Variants in CMC2 observed in about 807,000 individuals in gnomAD.
CMC2 encodes the protein C-X9-C motif containing 2, also known as COX assembly mitochondrial protein 2 homolog.
A neutral mutation model predicts 7.5 loss-of-function variants in CMC2; 5 were observed. The ratio of observed to expected loss-of-function variants is 0.66; its 90% CI spans 0.35 to 1.40. The LOEUF is 1.40. Ranked by LOEUF, CMC2 falls within the 40% of genes most tolerant of loss-of-function variation. The probability of loss-of-function intolerance (pLI) is 0.04; values close to 1 mark genes in which losing one functional copy is unlikely to be tolerated. For synonymous variants in CMC2, 37 were observed against 31.4 expected (o/e 1.18, Z -0.60); for missense variants, 115 against 92.3 (o/e 1.25, Z -1.01).
At chr16:80,985,901 CAAAAA>C (rs57915291) in intron 2 of CMC2, among the ~76,000 whole-genome samples, 13 of 104,992 alleles carry the variant, frequency 1.2e-4, no homozygotes, top group South Asian at 4.3e-4. Flanking sequence ...CATATACCTG[CAAAAA>C]AAAAAAAAAA....
In CMC2 at chr16:81,006,864, C is replaced by A. The variant is rs1023481111; in HGVS notation, c.-166G>T. ...GCCGAAACCCAGTGACGCCCTCCAC[C>A]GCTCCACCGTGCTCCCGGCTCCTCG... On this transcript the variant is annotated 5_prime_UTR_variant, in exon 1 of 4. Coordinates refer to ENST00000219400, the MANE Select transcript of CMC2 (RefSeq NM_020188.5). 2.0e-5 allele frequency: 20 copies of A among 985,878 alleles called. 1 individual carries two copies. The highest frequency in any genetic ancestry group is 2.3e-5 in the Non-Finnish European group (19 of 830,388). 61.1% of individuals were successfully genotyped at this position (985,878 alleles called of 1,614,324 possible).
At chr16:81,005,421 T>C (rs1969206915) in intron 1 of CMC2, among the ~76,000 whole-genome samples, 1 of 140,072 alleles carries the variant, frequency 7.1e-6, no homozygotes, top group Non-Finnish European at 1.6e-5. Flanking sequence ...CAAAATAAAA[T>C]TTAAATATAT....
chr16:80,992,243 T>A (rs562580671), intron 2 of CMC2, among the ~76,000 whole-genome samples: 1 of 152,236 alleles, frequency 6.6e-6, no homozygotes, highest in East Asian at 1.9e-4. Flanking sequence ...GGATGCACCA[T>A]AGGTCGTTCA....
intron 1 of CMC2, among the ~76,000 whole-genome samples, chr16:81,004,274 G>A (rs756434224): frequency 6.6e-6 from 1 of 152,150 alleles, no homozygotes. Context: ...AAAGTGAAAG[G>A]AACATAAGAC....
At position 81,006,876 on chromosome 16, in the gene CMC2, C is replaced by T; in HGVS notation, c.-178G>A. 1.0e-6 allele frequency: 1 copy of T among 985,960 alleles called. No homozygotes were observed. Among genetic ancestry groups the T allele is most frequent in the Non-Finnish European group, 1.2e-6 (1 of 830,312 alleles). The allele number at this position is 985,960 out of a possible 1,614,324, so 61.1% of individuals were successfully genotyped here. The stretch of plus-strand genomic sequence containing the variant: ...TGACGCCCTCCACCGCTCCACCGTG[C>T]TCCCGGCTCCTCGCCCCCGCCGCCC... On this transcript the variant is annotated 5_prime_UTR_variant, in exon 1 of 4. Transcript: ENST00000219400.
chr16:80,976,421 A>G (rs1324134748), intron 3 of CMC2, among the ~76,000 whole-genome samples: 1 of 152,226 alleles, frequency 6.6e-6, no homozygotes, highest in Non-Finnish European at 1.5e-5. Flanking sequence ...ACAGTACAGC[A>G]TCTACATGCT....
At chr16:80,996,994 A>G in intron 2 of CMC2, 1 of 470,986 alleles carries the variant, frequency 2.1e-6, no homozygotes, top group Non-Finnish European at 4.1e-6. Context: ...CAGAAGTGTC[A>G]GCGCTGAATA....
intron 1 of CMC2, among the ~76,000 whole-genome samples, chr16:81,000,006 T>C (rs1174586826): frequency 6.6e-6 from 1 of 152,102 alleles, no homozygotes; most frequent in African/African-American, 2.4e-5. Flanking sequence ...GAATTAGGAC[T>C]AAGTACTCAA....
chr16:81,004,860 G>C (rs527243545), intron 1 of CMC2, among the ~76,000 whole-genome samples: 1 of 152,224 alleles, frequency 6.6e-6, no homozygotes, highest in African/African-American at 2.4e-5. Flanking sequence ...AGCCAGCGCT[G>C]TATTAACTCT....
intron 2 of CMC2, among the ~76,000 whole-genome samples, chr16:80,992,344 TGTTAGA>T (rs1400578246): frequency 3.3e-5 from 5 of 152,188 alleles, no homozygotes; most frequent in African/African-American, 1.2e-4. Context: ...TTTTTCATAC[TGTTAGA>T]GTTATACTTT....
At chr16:80,988,205 T>C (rs2123626) in intron 2 of CMC2, among the ~76,000 whole-genome samples, 98,710 of 151,470 alleles carry the variant, frequency 0.65, 33,884 homozygotes, top group South Asian at 0.8. Flanking sequence ...AATTAACTTT[T>C]CCCCCCCAGA....
chr16:80,981,049 A>C (rs1011094925), intron 3 of CMC2, among the ~76,000 whole-genome samples: 1 of 151,716 alleles, frequency 6.6e-6, no homozygotes, highest in Non-Finnish European at 1.5e-5. Context: ...GACAACTTCA[A>C]ATATTATATT....
chr16:80,994,332 C>G (rs990518265), intron 2 of CMC2, among the ~76,000 whole-genome samples: 4 of 149,652 alleles, frequency 2.7e-5, no homozygotes, highest in Non-Finnish European at 4.4e-5. Context: ...CCACAGAATA[C>G]ACAAAGATCC....
rs1390296542 is a variant in CMC2, at chr16:80,967,051, AATTC to A, written c.*9038_*9041del. Reference sequence around the variant, plus strand: ...CTTTATTTATTCTTTATTCACTAAAAATTCATTCATTCAGTGAAAAAGCATTTAT... The same window carrying A: ...CTTTATTTATTCTTTATTCACTAAAAATTCATTCAGTGAAAAAGCATTTAT... On this transcript the variant is annotated 3_prime_UTR_variant, in exon 4 of 4. Coordinates refer to ENST00000219400, the MANE Select transcript of CMC2 (RefSeq NM_020188.5). The A allele has an allele frequency of 2.0e-5, 3 of 152,224 alleles. No individual in the cohort carries two copies. The highest frequency in any genetic ancestry group is 4.4e-5 in the Non-Finnish European group (3 of 68,036). The allele number at this position is 152,224 out of a possible 1,614,324, so 9.4% of individuals were successfully genotyped here. A position where few individuals can be genotyped will look rare whatever the true frequency, so the allele number is the denominator to read the frequency against.
intron 2 of CMC2, among the ~76,000 whole-genome samples, chr16:80,993,307 C>T (rs2151639014): frequency 6.6e-6 from 1 of 152,250 alleles, no homozygotes; most frequent in South Asian, 2.1e-4. Flanking sequence ...TAGCTTTCTA[C>T]CCACAGACAA....
At chr16:80,983,914 G>C (rs1967323027) in intron 2 of CMC2, 1 of 152,336 alleles carries the variant, frequency 6.6e-6, no homozygotes, top group South Asian at 2.1e-4. Flanking sequence ...CTGGGAGGTG[G>C]AGGTTGCGGT....
chr16:80,977,626 G>A (rs1912571889), intron 3 of CMC2, among the ~76,000 whole-genome samples: 1 of 152,192 alleles, frequency 6.6e-6, no homozygotes, highest in East Asian at 1.9e-4. Flanking sequence ...ATGACTTTGA[G>A]TTACTTCACT....
At chr16:81,006,045 TCAC>T (rs1405744442) in intron 1 of CMC2, among the ~76,000 whole-genome samples, 1 of 152,188 alleles carries the variant, frequency 6.6e-6, no homozygotes, top group Non-Finnish European at 1.5e-5. Context: ...ACGAATGGCA[TCAC>T]AACATAATTC....
At chr16:81,001,311 C>A (rs964788815) in intron 1 of CMC2, 2 of 152,156 alleles carry the variant, frequency 1.3e-5, no homozygotes, top group African/African-American at 4.8e-5. Flanking sequence ...TGTAAGAAAC[C>A]TGCACATTAC....
Sources: allele counts gnomAD v4.1 joint callset (sites outside exome capture counted in the v4.1 genomes callset), GRCh38; gene constraint gnomAD v4.1.1; transcripts MANE v1.5; gene names NCBI Gene and HGNC (gene_info 2026-07-23, HGNC 2026-07-21).